The following NOXRED1 variants were observed in gnomAD, a reference collection of about 807,000 sequenced individuals.
NOXRED1 encodes NADP dependent oxidoreductase domain containing 1, also known as NADP-dependent oxidoreductase domain-containing protein 1.
NOXRED1 carries 20 observed loss-of-function variants against 30.4 expected under a neutral mutation model. That is an observed-to-expected ratio of 0.66 (90% CI 0.46 to 0.96). The LOEUF (loss-of-function observed/expected upper bound fraction) is 0.96, where lower values mean the gene tolerates loss of function less well. Ranked by LOEUF, NOXRED1 falls within the 40% of genes least tolerant of loss-of-function variation. The probability of loss-of-function intolerance (pLI) is 0.00; values close to 1 mark genes in which losing one functional copy is unlikely to be tolerated. For synonymous variants in NOXRED1, 155 were observed against 168.0 expected, an observed-to-expected ratio of 0.92 and a Z score of 0.60; for missense variants, 374 against 428.0, an observed-to-expected ratio of 0.87 and a Z score of 1.11.
intron 3 of NOXRED1, among the ~76,000 whole-genome samples, chr14:77,407,228 C>T (rs35881785): frequency 0.44 from 67,053 of 152,112 alleles, 17,342 homozygotes; most frequent in East Asian, 0.92. Flanking sequence ...TGTTCTATTG[C>T]AATTTTAAAC....
chr14:77,408,621 A>C (rs541933989), intron 2 of NOXRED1, among the ~76,000 whole-genome samples: 8 of 152,274 alleles, frequency 5.3e-5, no homozygotes, highest in African/African-American at 1.7e-4. Flanking sequence ...CCCCACAAGG[A>C]CCTTATGAAG....
chr14:77,403,984 T>C (rs959098935), intron 5 of NOXRED1, among the ~76,000 whole-genome samples: 1 of 152,216 alleles, frequency 6.6e-6, no homozygotes, highest in African/African-American at 2.4e-5. Flanking sequence ...CAGGGTGGTA[T>C]GGCTGTAGAT....
At chr14:77,416,523 G>C (rs1894827573) in intron 1 of NOXRED1, among the ~76,000 whole-genome samples, 1 of 152,142 alleles carries the variant, frequency 6.6e-6, no homozygotes, top group Non-Finnish European at 1.5e-5. Flanking sequence ...TTGGGGGTAA[G>C]GTCACCGATC....
chr14:77,398,208 C>T (rs1894237230), intron 5 of NOXRED1, among the ~76,000 whole-genome samples: 1 of 152,142 alleles, frequency 6.6e-6, no homozygotes, highest in Non-Finnish European at 1.5e-5. Flanking sequence ...ATAAAAATGT[C>T]AGACTTGGGG....
intron 1 of NOXRED1, among the ~76,000 whole-genome samples, chr14:77,417,201 T>C (rs1231602015): frequency 1.3e-5 from 2 of 152,188 alleles, no homozygotes; most frequent in African/African-American, 4.8e-5. Context: ...TTAGGACTTA[T>C]TTTGTGACCT....
rs1275154256 is a variant in NOXRED1, at chr14:77,422,876, T to C, written c.14A>G (p.Gln5Arg). 10 of 1,612,120 alleles carry C rather than the reference T, an allele frequency of 6.2e-6. No individual in the cohort carries two copies. The highest frequency in any genetic ancestry group is 1.7e-5 in the Admixed American group (1 of 59,474). MDML[Q>R]DLESLQFEYG... ...CTCAAACTGCAGGGACTCAAGGTCC[T>C]GGAGCATGTCCATTTCCAAGCCACT... The change falls in exon 1 of 6, where the codon CAG becomes CGG. Residue 5 changes from glutamine (Q) to arginine (R), a missense_variant. Transcript: ENST00000380835.
chr14:77,413,820 A>G, intron 2 of NOXRED1, 114 bp downstream of exon 2: 1 of 628,298 alleles, frequency 1.6e-6, no homozygotes, highest in Non-Finnish European at 2.6e-6. Flanking sequence ...TAGCAAGCTG[A>G]GAACTCCACA....
At chr14:77,416,390 G>A (rs1894820837) in intron 1 of NOXRED1, among the ~76,000 whole-genome samples, 1 of 152,120 alleles carries the variant, frequency 6.6e-6, no homozygotes, top group Non-Finnish European at 1.5e-5. Flanking sequence ...TGAGATTAGG[G>A]AGTGGTGATG....
chr14:77,416,835 A>ACC (rs527982798), intron 1 of NOXRED1, among the ~76,000 whole-genome samples: 5 of 148,628 alleles, frequency 3.4e-5, no homozygotes, highest in African/African-American at 7.5e-5. Flanking sequence ...CGGGGGGCTG[A>ACC]CCCCCCCACC....
chr14:77,415,064 T>TA (rs1224686629), intron 1 of NOXRED1, among the ~76,000 whole-genome samples: 1 of 152,052 alleles, frequency 6.6e-6, no homozygotes, highest in East Asian at 1.9e-4. Context: ...TAGTCCCAGC[T>TA]ACCCAGGAGG....
chr14:77,423,082 C>A lies in NOXRED1; in HGVS notation c.-193G>T. 1.8e-6 allele frequency: 1 copy of A among 553,378 alleles called. No homozygotes were observed. The highest frequency in any genetic ancestry group is 3.1e-5 in the East Asian group (1 of 32,642). 34.3% of individuals were successfully genotyped at this position (553,378 alleles called of 1,614,324 possible). ...GGAATTCACCTCTCTTGAATTCACA[C>A]TCTAGAGTGTGAGTGTTTGAGGATT... On this transcript the variant is annotated 5_prime_UTR_variant, in exon 1 of 6. Transcript: ENST00000380835.
intron 4 of NOXRED1, 85 bp from the exon 5 acceptor site, chr14:77,406,220 T>C: frequency 5.7e-6 from 5 of 869,906 alleles, no homozygotes; most frequent in East Asian, 2.6e-5. Flanking sequence ...TGACAGTGAA[T>C]AGCCGCCTTT....
chr14:77,422,715 A>C lies in NOXRED1; in HGVS notation c.155+20T>G, dbSNP rs1895028801. ...AGTGAGATTCTTGTCCATCTTCCTGAATTTGGATACTCGGCTTACCTCAAA... is the reference window on the plus strand; with the variant it reads ...AGTGAGATTCTTGTCCATCTTCCTGCATTTGGATACTCGGCTTACCTCAAA... On this transcript the variant is annotated intron_variant, in intron 1 of 5. Transcript: ENST00000380835. 1 of 1,612,080 alleles carries C rather than the reference A, an allele frequency of 6.2e-7. No individual in the cohort carries two copies. Among genetic ancestry groups the C allele is most frequent in the Non-Finnish European group, 8.5e-7 (1 of 1,178,282 alleles).
intron 5 of NOXRED1, among the ~76,000 whole-genome samples, chr14:77,401,686 G>A (rs1450346670): frequency 6.6e-6 from 1 of 152,218 alleles, no homozygotes; most frequent in African/African-American, 2.4e-5. Flanking sequence ...AGCTGGGGCA[G>A]CAGAGCAAGA....
chr14:77,417,841 AGT>A (rs1254081128), intron 1 of NOXRED1, among the ~76,000 whole-genome samples: 2 of 149,404 alleles, frequency 1.3e-5, no homozygotes, highest in African/African-American at 4.9e-5. Flanking sequence ...TCTGTGTTGC[AGT>A]TTTGTTCTTC....
At chr14:77,398,446 G>A (rs1055091511) in intron 5 of NOXRED1, among the ~76,000 whole-genome samples, 1 of 152,164 alleles carries the variant, frequency 6.6e-6, no homozygotes, top group African/African-American at 2.4e-5. Flanking sequence ...TAACTGACCT[G>A]GGGGAAGAGA....
upstream of NOXRED1, among the ~76,000 whole-genome samples, chr14:77,423,933 A>G (rs1226390221): frequency 6.6e-6 from 1 of 152,202 alleles, no homozygotes; most frequent in Non-Finnish European, 1.5e-5. Context: ...TTGTTGCAAA[A>G]TACTTTCATA....
intron 5 of NOXRED1, among the ~76,000 whole-genome samples, chr14:77,402,130 T>C (rs980087409): frequency 2.1e-4 from 32 of 152,212 alleles, no homozygotes; most frequent in Non-Finnish European, 3.8e-4. Flanking sequence ...ACTTTATAGT[T>C]GTTAACACCA....
At position 77,406,780 on chromosome 14, in the gene NOXRED1, A is replaced by G. The variant is rs987662485; in HGVS notation, c.626T>C (p.Ile209Thr). Residue 209 changes from isoleucine (I) to threonine (T), a missense_variant, in exon 4 of 6, where the codon ATA becomes ACA. Coordinates refer to ENST00000380835, the MANE Select transcript of NOXRED1 (RefSeq NM_001113475.3). ...VSVWGANKGVIAALQDPTILQ... is the reference protein window; with the variant it reads ...VSVWGANKGVTAALQDPTILQ... ...AATCGTAGGATCTTGGAGAGCAGCT[A>G]TGACTCCCTTATTGGCCCCCCAGAC... 3.7e-6 allele frequency: 6 copies of G among 1,614,072 alleles called. No individual in the cohort carries two copies. Among genetic ancestry groups the G allele is most frequent in the East Asian group, 4.5e-5 (2 of 44,892 alleles).
Sources: allele counts gnomAD v4.1 joint callset (sites outside exome capture counted in the v4.1 genomes callset), GRCh38; gene constraint gnomAD v4.1.1; transcripts MANE v1.5; gene names NCBI Gene and HGNC (gene_info 2026-07-23, HGNC 2026-07-21).